KIF1B: variants seen among roughly 807,000 people sequenced by gnomAD.
KIF1B encodes kinesin family member 1B, also known as kinesin-like protein KIF1B.
In KIF1B, 76 loss-of-function variants were observed where a neutral mutation model predicts 241.9. The observed-to-expected ratio is 0.31, with a 90% confidence interval of 0.26 to 0.38. The LOEUF is 0.38. Ranked by LOEUF, KIF1B falls within the 10% of genes least tolerant of loss-of-function variation. The pLI is 1.00. For synonymous variants in KIF1B, 750 were observed against 796.7 expected (o/e 0.94, Z 0.99); for missense variants, 1,622 against 2,271.4 (o/e 0.71, Z 5.81).
At position 10,271,397 on chromosome 1, in the gene KIF1B, G is replaced by GT. The variant is rs1285554468; in HGVS notation, c.721-99dup. The GT allele has an allele frequency of 5.9e-6, 5 of 854,406 alleles. No homozygotes were observed. In the Admixed American group the frequency reaches 8.6e-5, roughly 15 times the overall value. 52.9% of individuals were successfully genotyped at this position (854,406 alleles called of 1,614,324 possible). A position where few individuals can be genotyped will look rare whatever the true frequency, so the allele number is the denominator to read the frequency against. The stretch of plus-strand genomic sequence containing the variant: ...ATATTTAAAAGCTCTAATACTTTTA[G>GT]TTTTTTCCATACCTTAATCTTTTAA... On this transcript the variant is annotated intron_variant, in intron 7 of 48. Transcript: ENST00000676179.
intron 7 of KIF1B, among the ~76,000 whole-genome samples, chr1:10,270,925 CAAA>C (rs34851583): frequency 1.5e-4 from 14 of 91,142 alleles, no homozygotes; most frequent in Admixed American, 3.4e-4. Flanking sequence ...GACTCTGTCT[CAAA>C]AAAAAAAAAA....
chr1:10,292,742 T>G (rs12127604), intron 17 of KIF1B, among the ~76,000 whole-genome samples: 51,335 of 152,056 alleles, frequency 0.34, 8,815 homozygotes, highest in Admixed American at 0.38. Flanking sequence ...GTAGTAAGGG[T>G]TTTTTTGTTT....
At chr1:10,292,930 C>T (rs1650074672) in intron 17 of KIF1B, among the ~76,000 whole-genome samples, 1 of 152,090 alleles carries the variant, frequency 6.6e-6, no homozygotes, top group African/African-American at 2.4e-5. Flanking sequence ...CTATTGGAGA[C>T]TTAAACATCT....
At chr1:10,221,584 C>T (rs553948059) in intron 1 of KIF1B, among the ~76,000 whole-genome samples, 1 of 152,154 alleles carries the variant, frequency 6.6e-6, no homozygotes, top group East Asian at 1.9e-4. Flanking sequence ...GGTCCGAAAA[C>T]CTGCTTGGTC....
chr1:10,363,279 A>G lies in KIF1B; in HGVS notation c.4305-4A>G. ...TAAACAATTGTTTTATTTTCTTCAAATAGGAATCGAGTCACTGGCATTTAC... is the reference window on the plus strand; with the variant it reads ...TAAACAATTGTTTTATTTTCTTCAAGTAGGAATCGAGTCACTGGCATTTAC... On this transcript the variant is annotated splice_region_variant and splice_polypyrimidine_tract_variant and intron_variant, in intron 40 of 48. Coordinates refer to ENST00000676179, the MANE Select transcript of KIF1B (RefSeq NM_001365951.3). 2.5e-6 allele frequency: 4 copies of G among 1,610,900 alleles called. No homozygotes were observed. The highest frequency in any genetic ancestry group is 3.4e-6 in the Non-Finnish European group (4 of 1,177,092).
intron 5 of KIF1B, among the ~76,000 whole-genome samples, chr1:10,263,985 ATGT>A (rs1399438597): frequency 6.6e-6 from 1 of 152,192 alleles, no homozygotes; most frequent in Non-Finnish European, 1.5e-5. Context: ...CTTGCCTGAA[ATGT>A]TGTTCACTTG....
chr1:10,351,207 T>A (rs1221742984), intron 37 of KIF1B, among the ~76,000 whole-genome samples: 1 of 152,080 alleles, frequency 6.6e-6, no homozygotes, highest in African/African-American at 2.4e-5. Context: ...TTTAACTTTA[T>A]TTACAAAGTA....
In KIF1B at chr1:10,256,339, CCACAGCA is replaced by C; in HGVS notation, c.183+18_183+24del. The C allele has an allele frequency of 6.5e-7, 1 of 1,544,848 alleles. No individual in the cohort carries two copies. The stretch of plus-strand genomic sequence containing the variant: ...TCATACCTCAGTGAGTACCCTCATG[CCACAGCA>C]CTGCCAGCTCCTGCCTCCTTTCCTC... On this transcript the variant is annotated intron_variant, in intron 3 of 48. Coordinates refer to ENST00000676179, the MANE Select transcript of KIF1B (RefSeq NM_001365951.3).
At chr1:10,259,201 A>G (rs1203351284) in intron 4 of KIF1B, among the ~76,000 whole-genome samples, 3 of 121,854 alleles carry the variant, frequency 2.5e-5, no homozygotes, top group Admixed American at 1.6e-4. Context: ...TTGATCCTTT[A>G]TTGTTTGGGA....
intron 2 of KIF1B, among the ~76,000 whole-genome samples, chr1:10,252,109 G>A (rs985363478): frequency 1.3e-5 from 2 of 151,626 alleles, no homozygotes; most frequent in African/African-American, 2.4e-5. Flanking sequence ...GTGCAATCTC[G>A]GCTCACTGCA....
At chr1:10,248,872 C>T (rs1647294427) in intron 2 of KIF1B, among the ~76,000 whole-genome samples, 1 of 152,128 alleles carries the variant, frequency 6.6e-6, no homozygotes, top group Non-Finnish European at 1.5e-5. Flanking sequence ...GGGTCCAGGT[C>T]TGGAGTATGC....
chr1:10,345,968 A>G lies in KIF1B; in HGVS notation c.3797+15A>G. The G allele has an allele frequency of 6.5e-7, 1 of 1,536,380 alleles. No individual in the cohort carries two copies. Among genetic ancestry groups the G allele is most frequent in the Non-Finnish European group, 9.0e-7 (1 of 1,109,688 alleles). ...CCTACAGGAGAGTAAGTCCAACTTA[A>G]TAAATTTTTAAATAAGGCAAAATGT... On this transcript the variant is annotated intron_variant, in intron 35 of 48. Coordinates refer to ENST00000676179, the MANE Select transcript of KIF1B (RefSeq NM_001365951.3).
Position 10,334,631 on chromosome 1 carries a change from C to T in KIF1B, c.3036C>T (p.Ala1012=). The change falls in exon 28 of 49, where the codon GCC becomes GCT. Residue 1012 remains alanine, a synonymous_variant. Transcript: ENST00000676179. ...VRGFLRVAVQ[A]IAADEEAPDY... ...GATTTCTGCGTGTGGCTGTACAGGCCATCGCAGGTAGGTGACCCTCTTCTG... is the reference window on the plus strand; with the variant it reads ...GATTTCTGCGTGTGGCTGTACAGGCTATCGCAGGTAGGTGACCCTCTTCTG... 1 of 1,611,622 alleles carries T rather than the reference C, an allele frequency of 6.2e-7. No individual in the cohort carries two copies. The highest frequency in any genetic ancestry group is 1.7e-4 in the Middle Eastern group (1 of 6,046).
chr1:10,265,552 A>G (rs12139158), intron 5 of KIF1B, among the ~76,000 whole-genome samples: 21,405 of 152,098 alleles, frequency 0.14, 1,640 homozygotes, highest in African/African-American at 0.19. Flanking sequence ...TGATTTTAAA[A>G]CACAAATTAA....
intron 14 of KIF1B, among the ~76,000 whole-genome samples, chr1:10,280,356 C>T (rs1463818555): frequency 6.6e-6 from 1 of 152,100 alleles, no homozygotes; most frequent in African/African-American, 2.4e-5. Context: ...CTGCCTCAGC[C>T]TCCCGAGTAG....
Position 10,337,276 on chromosome 1 carries a change from A to G in KIF1B, c.3259+73A>G. 8 of 1,612,240 alleles carry G rather than the reference A, an allele frequency of 5.0e-6. No individual in the cohort carries two copies. Among genetic ancestry groups the G allele is most frequent in the Non-Finnish European group, 6.8e-6 (8 of 1,178,296 alleles). On this transcript the variant is annotated intron_variant, in intron 30 of 48. Transcript: ENST00000676179. This position sits in a 1 kb window ranked among gnomAD's most constrained non-coding sequence, Gnocchi z 4.0. Reference sequence around the variant, plus strand: ...AAAATATTGACCATTATCAAGGGACATAGTGGCCTTCATCAACTAGGAATG... The same window carrying G: ...AAAATATTGACCATTATCAAGGGACGTAGTGGCCTTCATCAACTAGGAATG...
chr1:10,256,677 C>G (rs1054631265), intron 3 of KIF1B, among the ~76,000 whole-genome samples: 1 of 150,298 alleles, frequency 6.7e-6, no homozygotes, highest in Non-Finnish European at 1.5e-5. Flanking sequence ...GCCCATTGAT[C>G]TTAGGAAATG....
chr1:10,323,694 T>C (rs574520343), intron 24 of KIF1B, among the ~76,000 whole-genome samples, 190 bp from the exon 25 acceptor site: 3 of 152,310 alleles, frequency 2.0e-5, no homozygotes, highest in Admixed American at 1.3e-4. Context: ...AGTCCTTAAA[T>C]AGCTTAATTT....
Position 10,321,873 on chromosome 1 carries a change from A to T in KIF1B, c.2358+16A>T. 3 of 1,614,030 alleles carry T rather than the reference A, an allele frequency of 1.9e-6. No homozygotes were observed. Among genetic ancestry groups the T allele is most frequent in the Non-Finnish European group, 2.5e-6 (3 of 1,179,932 alleles). ...GAAAAAGAAGGTATGGAGCAGGAGG[A>T]CACAGGAGAGCTGGAGGCAAAGCCG... On this transcript the variant is annotated intron_variant, in intron 24 of 48. Transcript: ENST00000676179.
Sources: allele counts gnomAD v4.1 joint callset (sites outside exome capture counted in the v4.1 genomes callset), GRCh38; gene constraint gnomAD v4.1.1; non-coding constraint Gnocchi (gnomAD v3.1); transcripts MANE v1.5; gene names NCBI Gene and HGNC (gene_info 2026-07-23, HGNC 2026-07-21).